GMNN: variants seen among roughly 807,000 people sequenced by gnomAD.
GMNN encodes the protein geminin.
GMNN carries 14 observed loss-of-function variants against 20.9 expected under a neutral mutation model. The ratio of observed to expected loss-of-function variants is 0.67; its 90% CI spans 0.44 to 1.05. GMNN has a LOEUF of 1.05. Among genes scored for constraint, GMNN ranks in the 50% least tolerant of loss-of-function variants. The probability of loss-of-function intolerance (pLI) is 0.00; values close to 1 mark genes in which losing one functional copy is unlikely to be tolerated. For missense variants in GMNN, 227 were observed against 243.8 expected (o/e 0.93, Z 0.46); for synonymous variants, 81 against 85.8 (o/e 0.94, Z 0.31).
Position 24,781,720 on chromosome 6 carries a change from G to GTAA in GMNN, c.274+99_274+100insTAA, listed in dbSNP as rs1236811113. 7.2e-5 allele frequency: 38 copies of GTAA among 528,268 alleles called. No individual in the cohort carries two copies. The Admixed American group carries it at 7.3e-4, about 10-fold the overall frequency. The allele number at this position is 528,268 out of a possible 1,614,324, so 32.7% of individuals were successfully genotyped here. A position where few individuals can be genotyped will look rare whatever the true frequency, so the allele number is the denominator to read the frequency against. On this transcript the variant is annotated intron_variant, in intron 4 of 6. Transcript: ENST00000230056. ...AATTCTGCCAATTACTGTAATCTGGGGATAGTATAACAGCACTATAAATGT... is the reference window on the plus strand; with the variant it reads ...AATTCTGCCAATTACTGTAATCTGGGTAAGATAGTATAACAGCACTATAAATGT...
Position 24,785,460 on chromosome 6 carries a change from A to G in GMNN, c.469-178A>G, listed in dbSNP as rs2295735. ...ATTAAACACTTTGACTTTGCTGACT[A>G]TGATCTAGCATGGTAGAGACTTTGA... On this transcript the variant is annotated intron_variant, in intron 6 of 6. Coordinates refer to ENST00000230056, the MANE Select transcript of GMNN (RefSeq NM_015895.5). Among the ~76,000 whole-genome samples the G allele has an allele frequency of 0.072, 10,944 of 152,220 alleles. 1,150 individuals are homozygous for G. The highest frequency in any genetic ancestry group is 0.22 in the African/African-American group (9,301 of 41,512).
intron 4 of GMNN, 44 bp from the exon 5 acceptor site, chr6:24,784,043 T>G: frequency 1.1e-6 from 1 of 884,326 alleles, no homozygotes; most frequent in Non-Finnish European, 1.8e-6. Context: ...TACTGGGTTT[T>G]GACAGTAATG....
chr6:24,783,343 A>T (rs1780266424), intron 4 of GMNN, among the ~76,000 whole-genome samples: 1 of 152,188 alleles, frequency 6.6e-6, no homozygotes, highest in East Asian at 1.9e-4. Flanking sequence ...TTACAGAATA[A>T]TGCTAACTAC....
In GMNN at chr6:24,780,686, T is replaced by C; in HGVS notation, c.75T>C (p.Thr25=). ...AGAATAGTTCTGTCCCAAGAAGAAC[T>C]CTGAAGATGATTCAGCCTTCTGCAT... ...NIKNSSVPRR[T]LKMIQPSASG... Residue 25 remains threonine, a synonymous_variant, in exon 3 of 7, where the codon ACT becomes ACC. Coordinates refer to ENST00000230056, the MANE Select transcript of GMNN (RefSeq NM_015895.5). 1 of 1,594,904 alleles carries C rather than the reference T, an allele frequency of 6.3e-7. No individual in the cohort carries two copies. Among genetic ancestry groups the C allele is most frequent in the Middle Eastern group, 1.7e-4 (1 of 6,032 alleles).
In GMNN at chr6:24,784,114, A is replaced by G; in HGVS notation, c.302A>G (p.Glu101Gly). Residue 101 changes from glutamate to glycine, a missense_variant, in exon 5 of 7, where the codon GAA (glutamate) becomes GGA (glycine). Transcript: ENST00000230056. ...KENPSSQYWK[E>G]VAEKRRKALY... The stretch of plus-strand genomic sequence containing the variant: ...AATCCATCCTCTCAGTATTGGAAGG[A>G]AGTGGCAGAAAAACGGAGAAAGGCG... The G allele has an allele frequency of 6.6e-7, 1 of 1,508,634 alleles. No individual in the cohort carries two copies. Among genetic ancestry groups the G allele is most frequent in the Non-Finnish European group, 9.2e-7 (1 of 1,085,832 alleles). 93.5% of individuals were successfully genotyped at this position (1,508,634 alleles called of 1,614,324 possible).
intron 1 of GMNN, chr6:24,775,532 G>C (rs1780042108): frequency 6.6e-6 from 1 of 152,282 alleles, no homozygotes; most frequent in Non-Finnish European, 1.5e-5. Context: ...CTTGCCAGCT[G>C]TGGGGATGAG....
At chr6:24,775,924 A>G (rs1170860675) in intron 1 of GMNN, 2 of 151,798 alleles carry the variant, frequency 1.3e-5, no homozygotes, top group African/African-American at 4.9e-5. Flanking sequence ...GTTCAGTTGC[A>G]TTTTTCTAAG....
intron 6 of GMNN, 128 bp downstream of exon 6, chr6:24,784,682 C>T (rs45458398): frequency 0.024 from 11,675 of 495,962 alleles, 180 homozygotes; most frequent in Non-Finnish European, 0.031. Context: ...ACTTAACTTC[C>T]TTCCTAACAC....
At chr6:24,775,348 C>T (rs1311904191) in intron 1 of GMNN, 104 bp downstream of exon 1, 1 of 152,304 alleles carries the variant, frequency 6.6e-6, no homozygotes, top group Non-Finnish European at 1.5e-5. Flanking sequence ...CGCGCTCTCA[C>T]TTCCGCGCTT....
intron 1 of GMNN, chr6:24,775,946 A>T (rs1780056228): frequency 6.7e-6 from 1 of 149,264 alleles, no homozygotes; most frequent in Non-Finnish European, 1.5e-5. Context: ...AGTGTTGCTC[A>T]TGACTCACTA....
At chr6:24,783,007 G>C (rs1337115407) in intron 4 of GMNN, among the ~76,000 whole-genome samples, 1 of 152,110 alleles carries the variant, frequency 6.6e-6, no homozygotes, top group Admixed American at 6.6e-5. Flanking sequence ...GTAGAAAGGA[G>C]CACACCGTGT....
At chr6:24,784,932 T>C (rs1780309791) in intron 6 of GMNN, among the ~76,000 whole-genome samples, 2 of 152,208 alleles carry the variant, frequency 1.3e-5, no homozygotes, top group South Asian at 2.1e-4. Context: ...CTGGAAAATA[T>C]GTATAGCAAA....
rs1212798228 is a variant in GMNN, at chr6:24,785,786, A to G, written c.617A>G (p.Lys206Arg). 2 of 1,575,334 alleles carry G rather than the reference A, an allele frequency of 1.3e-6. No individual in the cohort carries two copies. Among genetic ancestry groups the G allele is most frequent in the Non-Finnish European group, 1.7e-6 (2 of 1,161,666 alleles). The change falls in exon 7 of 7, where the codon AAG becomes AGG. Residue 206 changes from lysine to arginine, a missense_variant. Transcript: ENST00000230056. ...ACTGTATCTTCCTCTACGGATGCAA[A>G]GCCATGTATATGAAATGCATTAATA... ...EGTVSSSTDA[K>R]PCI
chr6:24,777,430 A>G, intron 2 of GMNN, 133 bp downstream of exon 2: 1 of 431,546 alleles, frequency 2.3e-6, no homozygotes. Flanking sequence ...GAGTAACAAT[A>G]GAGAACATTT....
Position 24,781,583 on chromosome 6 carries a change from G to C in GMNN, c.236G>C (p.Gly79Ala), listed in dbSNP as rs754589141. Residue 79 changes from glycine to alanine, a missense_variant, in exon 4 of 7, where the codon GGA (glycine) becomes GCA (alanine). Physicochemically the swap from Gly to Ala is moderately conservative, Grantham distance 60. Coordinates refer to ENST00000230056, the MANE Select transcript of GMNN (RefSeq NM_015895.5). ...VPESSENKNL[G>A]GVTQESFDLM... ...GAATCTAGTGAAAATAAAAATCTTGGAGGAGTCACCCAGGAGTCATTTGAT... is the reference window on the plus strand; with the variant it reads ...GAATCTAGTGAAAATAAAAATCTTGCAGGAGTCACCCAGGAGTCATTTGAT... The C allele has an allele frequency of 3.2e-6, 5 of 1,549,268 alleles. No homozygotes were observed. In the East Asian group the frequency reaches 1.1e-4, roughly 35 times the overall value.
intron 3 of GMNN, 91 bp from the exon 4 acceptor site, chr6:24,781,386 G>A (rs548699606): frequency 2.0e-5 from 15 of 765,258 alleles, no homozygotes; most frequent in South Asian, 5.8e-5. Context: ...TTAGATATGC[G>A]TACTCTTTTT....
intron 4 of GMNN, among the ~76,000 whole-genome samples, chr6:24,783,209 T>C (rs1780262379): frequency 6.6e-6 from 1 of 152,102 alleles, no homozygotes; most frequent in Admixed American, 6.6e-5. Flanking sequence ...CAGACTACAG[T>C]TGGGAAAATT....
At chr6:24,777,360 A>G (rs938062152) in intron 2 of GMNN, 63 bp downstream of exon 2, 7 of 626,070 alleles carry the variant, frequency 1.1e-5, no homozygotes, top group Admixed American at 6.6e-5. Context: ...GTATTTTGAC[A>G]TAATTTATCC....
At chr6:24,783,373 A>G (rs1462855311) in intron 4 of GMNN, among the ~76,000 whole-genome samples, 2 of 152,208 alleles carry the variant, frequency 1.3e-5, no homozygotes, top group South Asian at 2.1e-4. Flanking sequence ...AAGGAATTAC[A>G]TAAGTGAAAA....
Sources: allele counts gnomAD v4.1 joint callset (sites outside exome capture counted in the v4.1 genomes callset), GRCh38; gene constraint gnomAD v4.1.1; transcripts MANE v1.5; gene names NCBI Gene and HGNC (gene_info 2026-07-23, HGNC 2026-07-21).